The following COL19A1 variants were observed in gnomAD, a reference collection of about 807,000 sequenced individuals.
COL19A1 encodes collagen type XIX alpha 1 chain, also known as collagen alpha-1(XIX) chain.
A neutral mutation model predicts 190.2 loss-of-function variants in COL19A1; 159 were observed. The ratio of observed to expected loss-of-function variants is 0.84; its 90% CI spans 0.73 to 0.95. The LOEUF is 0.95. COL19A1 is among the 40% of genes least tolerant of loss of function. The pLI is 0.00. For missense variants in COL19A1, 1,418 were observed against 1,431.9 expected (o/e 0.99, Z 0.16); for synonymous variants, 509 against 458.9 (o/e 1.11, Z -1.39).
intron 46 of COL19A1, 98 bp from the exon 47 acceptor site, chr6:70,187,977 A>G (rs1766630445): frequency 7.2e-7 from 1 of 1,388,876 alleles, no homozygotes; most frequent in Non-Finnish European, 9.9e-7. Flanking sequence ...TACAAGGCCC[A>G]ACAGCTAATA....
At chr6:70,019,902 T>C (rs1285390672) in intron 11 of COL19A1, among the ~76,000 whole-genome samples, 1 of 152,112 alleles carries the variant, frequency 6.6e-6, no homozygotes, top group Non-Finnish European at 1.5e-5. Flanking sequence ...AAGGAACAGC[T>C]GGTTACTATT....
chr6:70,040,685 G>A (rs1460861325), intron 14 of COL19A1, among the ~76,000 whole-genome samples: 1 of 151,930 alleles, frequency 6.6e-6, no homozygotes, highest in South Asian at 2.1e-4. Flanking sequence ...CTGCCTTGGA[G>A]AAAAGAAAAG....
intron 16 of COL19A1, among the ~76,000 whole-genome samples, chr6:70,113,999 C>G (rs564623339): frequency 2.0e-5 from 3 of 151,742 alleles, no homozygotes; most frequent in African/African-American, 4.8e-5. Flanking sequence ...TACAGGTGCA[C>G]GCTAACATGC....
chr6:69,961,985 G>C (rs1774826662), intron 10 of COL19A1, among the ~76,000 whole-genome samples: 1 of 152,080 alleles, frequency 6.6e-6, no homozygotes, highest in Non-Finnish European at 1.5e-5. Context: ...TCTATCTCCT[G>C]TCTCTGTGCA....
chr6:69,990,945 T>C (rs1441727681), intron 11 of COL19A1, among the ~76,000 whole-genome samples: 1 of 151,942 alleles, frequency 6.6e-6, no homozygotes, highest in African/African-American at 2.4e-5. Flanking sequence ...GTTACATGAG[T>C]AAATTGTGTG....
intron 11 of COL19A1, among the ~76,000 whole-genome samples, chr6:69,983,667 T>A (rs542890279): frequency 3.9e-5 from 6 of 152,136 alleles, no homozygotes; most frequent in Non-Finnish European, 8.8e-5. Context: ...TTGAATACTA[T>A]TCAAATATTG....
chr6:70,091,430 C>T (rs570634360), intron 15 of COL19A1, among the ~76,000 whole-genome samples: 6 of 152,290 alleles, frequency 3.9e-5, no homozygotes, highest in Non-Finnish European at 7.4e-5. Context: ...CATGGTAAAG[C>T]ATCTAACCCA....
At chr6:70,161,801 A>C (rs986149841) in intron 34 of COL19A1, 99 bp from the exon 35 acceptor site, 76 of 759,854 alleles carry the variant, frequency 1.0e-4, no homozygotes, top group Admixed American at 4.5e-4. Context: ...CGATTAGCTA[A>C]ATAAGTGTTT....
At chr6:69,929,091 T>C (rs1224761281) in intron 5 of COL19A1, among the ~76,000 whole-genome samples, 1 of 151,848 alleles carries the variant, frequency 6.6e-6, no homozygotes, top group Non-Finnish European at 1.5e-5. Flanking sequence ...AAATTTTATC[T>C]ATAGTGTATA....
chr6:69,866,951 G>T (rs1436115681), intron 1 of COL19A1, among the ~76,000 whole-genome samples: 2 of 152,118 alleles, frequency 1.3e-5, no homozygotes, highest in Non-Finnish European at 2.9e-5. Context: ...GTTCTAGGTG[G>T]TTTTTCTGGC....
rs1561998496 is a variant in COL19A1 at position 69,921,471 on chromosome 6, C to CATATATTCATATTCATATATATTCAT, written c.267-6426_267-6425insTCATATATATTCATATATATTCATAT. 1.5e-3 allele frequency among the ~76,000 whole-genome samples: 15 copies of CATATATTCATATTCATATATATTCAT among 9,830 alleles called. 1 individual carries two copies. In the East Asian group the frequency reaches 0.061, roughly 40 times the overall value. 6.4% of individuals were successfully genotyped at this position (9,830 alleles called of 152,430 possible). A position where few individuals can be genotyped will look rare whatever the true frequency, so the allele number is the denominator to read the frequency against. ...ATATATCATATATATCATATATATT[C>CATATATTCATATTCATATATATTCAT]ATATATTCATATATATTCATATATA... On this transcript the variant is annotated intron_variant, in intron 4 of 50. Transcript: ENST00000620364.
At chr6:69,989,252 A>G (rs998196183) in intron 11 of COL19A1, among the ~76,000 whole-genome samples, 3 of 152,158 alleles carry the variant, frequency 2.0e-5, no homozygotes, top group South Asian at 2.1e-4. Flanking sequence ...TGCCTCCTCA[A>G]TGGCTAAAAG....
intron 4 of COL19A1, among the ~76,000 whole-genome samples, chr6:69,903,147 C>T (rs372890531): frequency 1.3e-5 from 2 of 152,338 alleles, no homozygotes; most frequent in Middle Eastern, 6.8e-3. Flanking sequence ...TGATCACTAT[C>T]TACACTGCCT....
intron 31 of COL19A1, among the ~76,000 whole-genome samples, chr6:70,154,448 A>C (rs1221288321): frequency 6.6e-6 from 1 of 152,146 alleles, no homozygotes; most frequent in East Asian, 1.9e-4. Context: ...TAGTAGAATG[A>C]TTTATAATCC....
At position 70,207,259 on chromosome 6, in the gene COL19A1, C is replaced by T; in HGVS notation, c.3414C>T (p.Arg1138=). Residue 1138 remains arginine, a synonymous_variant, in exon 51 of 51, where the codon CGC becomes CGT. Coordinates refer to ENST00000620364, the MANE Select transcript of COL19A1 (RefSeq NM_001858.6). ...ATCCTGTGTCTCATGCCCATCAGCG[C>T]ACAGGTGGGAATTGAACACACCTGA... is the stretch of plus-strand genomic sequence containing the variant. ...CLYPVSHAHQ[R]TGGN 1 of 1,613,586 alleles carries T rather than the reference C, an allele frequency of 6.2e-7. No individual in the cohort carries two copies. Among genetic ancestry groups the T allele is most frequent in the Non-Finnish European group, 8.5e-7 (1 of 1,179,844 alleles).
At chr6:70,044,024 T>A (rs1041198960) in intron 14 of COL19A1, among the ~76,000 whole-genome samples, 1 of 152,246 alleles carries the variant, frequency 6.6e-6, no homozygotes, top group African/African-American at 2.4e-5. Context: ...GATAACTTGC[T>A]GCAGCTTCTA....
chr6:69,885,241 G>A (rs1362617388), intron 2 of COL19A1, among the ~76,000 whole-genome samples: 2 of 152,040 alleles, frequency 1.3e-5, no homozygotes, highest in South Asian at 2.1e-4. Context: ...AGGAAAGTGG[G>A]GCTGATAGTT....
At chr6:69,897,752 A>G (rs1466574975) in intron 2 of COL19A1, among the ~76,000 whole-genome samples, 2 of 152,192 alleles carry the variant, frequency 1.3e-5, no homozygotes, top group African/African-American at 2.4e-5. Flanking sequence ...ACTATTATTT[A>G]GAGCCTGCAA....
At chr6:69,924,751 T>A (rs1772241482) in intron 4 of COL19A1, among the ~76,000 whole-genome samples, 2 of 152,164 alleles carry the variant, frequency 1.3e-5, no homozygotes, top group Non-Finnish European at 2.9e-5. Context: ...GCACCTGTTG[T>A]TTCCTGACTT....
Sources: allele counts gnomAD v4.1 joint callset (sites outside exome capture counted in the v4.1 genomes callset), GRCh38; gene constraint gnomAD v4.1.1; transcripts MANE v1.5; gene names NCBI Gene and HGNC (gene_info 2026-07-23, HGNC 2026-07-21).